Variants in OSBPL11 observed in about 807,000 individuals in gnomAD.
The protein encoded by OSBPL11 is oxysterol-binding protein-related protein 11.
Under a neutral mutation model 84.4 loss-of-function variants are expected in OSBPL11, and 33 were observed. The observed-to-expected ratio is 0.39, with a 90% CI of 0.30 to 0.52. The LOEUF is 0.52. Ranked by LOEUF, OSBPL11 falls within the 20% of genes least tolerant of loss-of-function variation. OSBPL11 has a pLI of 0.72. For missense variants in OSBPL11, 736 were observed against 901.1 expected (o/e 0.82, Z 2.35); for synonymous variants, 276 against 310.2 (o/e 0.89, Z 1.16).
intron 1 of OSBPL11, among the ~76,000 whole-genome samples, chr3:125,585,407 A>T (rs1936492120): frequency 6.6e-6 from 1 of 152,150 alleles, no homozygotes; most frequent in Non-Finnish European, 1.5e-5. Flanking sequence ...AAGTGCTGGG[A>T]TTATAGGTAT....
rs140846232 is a variant in OSBPL11 at position 125,594,157 on chromosome 3, T to C, written c.164+480A>G. ...TGTCCTTGCATTCCAATTACTTATGTACATTCCCCTTTCCAAGTCACAAAT... is the reference window on the plus strand; with the variant it reads ...TGTCCTTGCATTCCAATTACTTATGCACATTCCCCTTTCCAAGTCACAAAT... On this transcript the variant is annotated intron_variant, in intron 1 of 12. Coordinates refer to ENST00000296220, the MANE Select transcript of OSBPL11 (RefSeq NM_022776.5). 2.2e-4 allele frequency among the ~76,000 whole-genome samples: 34 copies of C among 152,352 alleles called. No individual in the cohort carries two copies. The East Asian group carries it at 6.4e-3, about 28-fold the overall frequency.
At chr3:125,579,268 G>A (rs1382235397) in intron 3 of OSBPL11, among the ~76,000 whole-genome samples, 1 of 152,118 alleles carries the variant, frequency 6.6e-6, no homozygotes, top group African/African-American at 2.4e-5. Context: ...CATGCAGTGA[G>A]GTGAGGATGA....
At position 125,566,288 on chromosome 3, in the gene OSBPL11, G is replaced by C. The variant is rs74864929; in HGVS notation, c.868+1106C>G. Among the ~76,000 whole-genome samples the C allele has an allele frequency of 2.5e-3, 373 of 152,194 alleles. 7 individuals carry two copies. In the East Asian group the frequency reaches 0.068, roughly 28 times the overall value. On this transcript the variant is annotated intron_variant, in intron 6 of 12. Transcript: ENST00000296220. Reference sequence around the variant, plus strand: ...CCCAAAGTGCTGAGATTACAGGTGTGAGCCACCGTGCCTGGCCCCTACACA... The same window carrying C: ...CCCAAAGTGCTGAGATTACAGGTGTCAGCCACCGTGCCTGGCCCCTACACA...
At chr3:125,572,975 A>C (rs1317677808) in intron 5 of OSBPL11, among the ~76,000 whole-genome samples, 1 of 147,766 alleles carries the variant, frequency 6.8e-6, no homozygotes, top group Non-Finnish European at 1.5e-5. Context: ...ATATAGTAAG[A>C]TATATATCTA....
At chr3:125,547,700 CTAACCTTCATT>C in intron 9 of OSBPL11, 108 bp from the exon 10 acceptor site, 1 of 834,128 alleles carries the variant, frequency 1.2e-6, no homozygotes, top group East Asian at 2.8e-5. Flanking sequence ...ATTATTTTTC[CTAACCTTCATT>C]TAACTTTCAA....
chr3:125,548,784 A>G (rs746478155), intron 9 of OSBPL11, among the ~76,000 whole-genome samples: 1 of 152,146 alleles, frequency 6.6e-6, no homozygotes, highest in Non-Finnish European at 1.5e-5. Context: ...AAGGGCAAGT[A>G]TATGATAAAT....
chr3:125,586,344 T>A (rs921107445), intron 1 of OSBPL11, among the ~76,000 whole-genome samples: 4 of 152,176 alleles, frequency 2.6e-5, no homozygotes, highest in Non-Finnish European at 5.9e-5. Flanking sequence ...TTTAAACTTG[T>A]TAACATTTAA....
At position 125,547,530 on chromosome 3, in the gene OSBPL11, G is replaced by C. The variant is rs1429205048; in HGVS notation, c.1717C>G (p.Arg573Gly). The change falls in exon 10 of 13, where the codon CGG becomes GGG. Residue 573 changes from arginine (R) to glycine (G), a missense_variant. Around this residue, in one of 3 missense-constraint regions of OSBPL11, gnomAD observed 579 missense variants for 717.6 expected, o/e 0.81. Coordinates refer to ENST00000296220, the MANE Select transcript of OSBPL11 (RefSeq NM_022776.5). ...ACCCAAGGAACAGTCAAAATTGACCGAGCATATGCACAGGGTAGAGAAAAT... is the reference window on the plus strand; with the variant it reads ...ACCCAAGGAACAGTCAAAATTGACCCAGCATATGCACAGGGTAGAGAAAAT... ...YTFSLPCAYARSILTVPWVEL... is the reference protein window; with the variant it reads ...YTFSLPCAYAGSILTVPWVEL... 6.2e-7 allele frequency: 1 copy of C among 1,613,620 alleles called. No individual in the cohort carries two copies. Among genetic ancestry groups the C allele is most frequent in the Non-Finnish European group, 8.5e-7 (1 of 1,179,690 alleles).
chr3:125,556,382 C>A (rs77362461), intron 8 of OSBPL11, among the ~76,000 whole-genome samples: 6,968 of 152,264 alleles, frequency 0.046, 226 homozygotes, highest in Middle Eastern at 0.068. Context: ...GTTCTGCTGT[C>A]TGGATTGGCT....
rs58412964 is a variant in OSBPL11, at chr3:125,550,371, T to TCACA, written c.1654+1806_1654+1809dup. On this transcript the variant is annotated intron_variant, in intron 9 of 12. Coordinates refer to ENST00000296220, the MANE Select transcript of OSBPL11 (RefSeq NM_022776.5). Reference sequence around the variant, plus strand: ...ACCTGGGCGACACAGCTAGACCGTGTCACACACACACACACACACACACAC... The same window carrying TCACA: ...ACCTGGGCGACACAGCTAGACCGTGTCACACACACACACACACACACACACACAC... 4.9e-3 allele frequency among the ~76,000 whole-genome samples: 649 copies of TCACA among 132,250 alleles called. 3 individuals are homozygous for TCACA. The highest frequency in any genetic ancestry group is 0.012 in the Middle Eastern group (3 of 254). The allele number at this position is 132,250 out of a possible 152,430, so 86.8% of individuals were successfully genotyped here. A position where few individuals can be genotyped will look rare whatever the true frequency, so the allele number is the denominator to read the frequency against.
chr3:125,585,590 C>T (rs1399226959), intron 1 of OSBPL11, among the ~76,000 whole-genome samples: 1 of 150,216 alleles, frequency 6.7e-6, no homozygotes, highest in Non-Finnish European at 1.5e-5. Context: ...TTGGTAGTAG[C>T]ATAAAGTTAG....
intron 1 of OSBPL11, among the ~76,000 whole-genome samples, chr3:125,584,274 G>A (rs1339927966): frequency 1.3e-5 from 2 of 152,112 alleles, no homozygotes; most frequent in African/African-American, 4.8e-5. Flanking sequence ...GCTGAGGCAG[G>A]AGAATCGCTT....
At chr3:125,545,841 T>C (rs1473335904) in intron 10 of OSBPL11, among the ~76,000 whole-genome samples, 1 of 152,054 alleles carries the variant, frequency 6.6e-6, no homozygotes, top group Non-Finnish European at 1.5e-5. Context: ...AATATATTTA[T>C]AACAAATGCA....
At position 125,567,476 on chromosome 3, in the gene OSBPL11, C is replaced by T; in HGVS notation, c.786G>A (p.Met262Ile). 1.2e-6 allele frequency: 2 copies of T among 1,614,052 alleles called. No individual in the cohort carries two copies. Among genetic ancestry groups the T allele is most frequent in the Non-Finnish European group, 1.7e-6 (2 of 1,179,998 alleles). Residue 262 changes from methionine (M) to isoleucine (I), a missense_variant, in exon 6 of 13, where the codon ATG becomes ATA. Met to Ile is a conservative substitution (Grantham distance 10). Transcript: ENST00000296220. ...AGTCATTTAAGCAGTTCATAGTTGC[C>T]ATGGAAGTAGCTTTGAGCATTAAGA... The part of the protein sequence containing the change: ...QDLLMLKATS[M>I]ATMNCLNDCF...
intron 7 of OSBPL11, among the ~76,000 whole-genome samples, chr3:125,560,932 C>T (rs923439785): frequency 3.3e-5 from 5 of 152,040 alleles, no homozygotes; most frequent in Non-Finnish European, 7.4e-5. Flanking sequence ...CTCCTGACCT[C>T]GAGCGATCCA....
intron 1 of OSBPL11, among the ~76,000 whole-genome samples, chr3:125,592,407 G>C (rs1936611016): frequency 6.6e-6 from 1 of 152,110 alleles, no homozygotes. Flanking sequence ...GGAATAAGAG[G>C]TCTGACTTAA....
At chr3:125,568,129 T>C (rs983396191) in intron 5 of OSBPL11, among the ~76,000 whole-genome samples, 3 of 152,170 alleles carry the variant, frequency 2.0e-5, no homozygotes, top group Non-Finnish European at 2.9e-5. Context: ...GCAATTTTTC[T>C]TTGGAAGCAA....
chr3:125,570,126 AG>A (rs1257265489), intron 5 of OSBPL11, among the ~76,000 whole-genome samples: 2 of 152,188 alleles, frequency 1.3e-5, no homozygotes, highest in African/African-American at 2.4e-5. Flanking sequence ...AAGAGAAAAT[AG>A]TATGTTTCTT....
intron 11 of OSBPL11, among the ~76,000 whole-genome samples, chr3:125,533,106 G>A (rs774700362): frequency 6.6e-6 from 1 of 151,966 alleles, no homozygotes; most frequent in Non-Finnish European, 1.5e-5. Flanking sequence ...TTATGGTAAT[G>A]ACTGTACTAC....
Sources: gnomAD v4.1 joint callset for allele counts (sites outside exome capture counted in the v4.1 genomes callset) on GRCh38, gnomAD v4.1.1 for gene constraint, gnomAD v4.1.1 regional missense constraint, MANE v1.5 for transcripts, NCBI Gene and HGNC (gene_info 2026-07-23, HGNC 2026-07-21) for gene names.